ANAPC1: variants seen among roughly 807,000 people sequenced by gnomAD.
The protein encoded by ANAPC1 is anaphase promoting complex subunit 1, also known as anaphase-promoting complex subunit 1.
Under a neutral mutation model 208.0 loss-of-function variants are expected in ANAPC1, and 36 were observed. The ratio of observed to expected loss-of-function variants is 0.17; its 90% CI spans 0.13 to 0.23. ANAPC1 has a LOEUF of 0.23. ANAPC1 is among the 10% of genes least tolerant of loss of function. ANAPC1 has a pLI of 1.00. For missense variants in ANAPC1, 942 were observed against 2,011.6 expected (o/e 0.47, Z 10.17); for synonymous variants, 378 against 695.2 (o/e 0.54, Z 7.18).
At chr2:111,804,505 T>TC (rs1328553092) in intron 30 of ANAPC1, among the ~76,000 whole-genome samples, 1 of 99,718 alleles carries the variant, frequency 1.0e-5, no homozygotes, top group African/African-American at 3.6e-5. Flanking sequence ...GTGATTCTTT[T>TC]CTTTTTTTTT....
downstream of ANAPC1, chr2:111,766,779 T>A: frequency 2.7e-6 from 1 of 374,112 alleles, no homozygotes; most frequent in Non-Finnish European, 5.5e-6. Context: ...TGTGCACAGA[T>A]CATCAGGCTG....
intron 6 of ANAPC1, among the ~76,000 whole-genome samples, chr2:111,868,554 G>A (rs1439434410): frequency 6.6e-6 from 1 of 151,916 alleles, no homozygotes; most frequent in African/African-American, 2.4e-5. Context: ...TTTCTGAGAT[G>A]GAGTCTCACT....
intron 13 of ANAPC1, among the ~76,000 whole-genome samples, chr2:111,853,900 T>TA (rs895382838): frequency 1.3e-5 from 2 of 152,096 alleles, no homozygotes; most frequent in African/African-American, 4.8e-5. Flanking sequence ...GTACTTTTAG[T>TA]AGACACAGGG....
chr2:111,875,470 T>C (rs80233695), intron 3 of ANAPC1, among the ~76,000 whole-genome samples: 28,738 of 152,162 alleles, frequency 0.19, 2,994 homozygotes, highest in Middle Eastern at 0.3. Context: ...CCCTGATATC[T>C]AAGAGATCAC....
At chr2:111,883,484 T>C (rs942717967) in intron 1 of ANAPC1, among the ~76,000 whole-genome samples, 9 of 150,742 alleles carry the variant, frequency 6.0e-5, no homozygotes, top group African/African-American at 1.2e-4. Flanking sequence ...ATTAAATTTA[T>C]ATGCTATAAA....
At chr2:111,794,590 A>G (rs1678060113) in intron 35 of ANAPC1, among the ~76,000 whole-genome samples, 1 of 152,240 alleles carries the variant, frequency 6.6e-6, no homozygotes, top group African/African-American at 2.4e-5. Context: ...TGGAAAGGAT[A>G]AAAGACAAAT....
chr2:111,843,082 G>A (rs182003464), intron 17 of ANAPC1, among the ~76,000 whole-genome samples: 9 of 152,322 alleles, frequency 5.9e-5, no homozygotes, highest in African/African-American at 2.2e-4. Flanking sequence ...CCACAGATCT[G>A]TGATTTCTTT....
rs1682349836 is a variant in ANAPC1 at position 111,865,424 on chromosome 2, A to T, written c.686-473T>A. ...CTTTACTAGTTACACATGCAAAATA[A>T]GGTTTTTCCCAGTGAGTTCAGCTTT... is the stretch of plus-strand genomic sequence containing the variant. On this transcript the variant is annotated intron_variant, in intron 7 of 47. Transcript: ENST00000341068. Among the ~76,000 whole-genome samples the T allele has an allele frequency of 2.0e-5, 3 of 152,250 alleles. No individual in the cohort carries two copies. The South Asian group carries it at 6.2e-4, about 32-fold the overall frequency.
intron 34 of ANAPC1, among the ~76,000 whole-genome samples, chr2:111,798,055 C>T (rs564132800): frequency 9.0e-5 from 12 of 133,606 alleles, no homozygotes; most frequent in African/African-American, 3.6e-4. Context: ...CAGGAAAATA[C>T]CACACCCATT....
intron 13 of ANAPC1, among the ~76,000 whole-genome samples, chr2:111,851,749 G>A (rs1322081945): frequency 7.3e-5 from 11 of 151,300 alleles, no homozygotes; most frequent in Non-Finnish European, 1.2e-4. Context: ...GGCAGAACTT[G>A]CAGTGAGCCG....
chr2:111,859,195 A>G (rs1485797219), intron 10 of ANAPC1, among the ~76,000 whole-genome samples: 4 of 151,986 alleles, frequency 2.6e-5, no homozygotes, highest in Admixed American at 2.6e-4. Flanking sequence ...CTAAAGTGCT[A>G]CAGAAGGCCG....
intron 46 of ANAPC1, among the ~76,000 whole-genome samples, chr2:111,774,029 A>C (rs1194910855): frequency 2.4e-4 from 36 of 151,868 alleles, no homozygotes; most frequent in Admixed American, 2.6e-4. Context: ...AGGAGGCTAT[A>C]ACAGTGGTCC....
chr2:111,853,938 G>A (rs1297416298), intron 13 of ANAPC1, among the ~76,000 whole-genome samples: 4 of 151,996 alleles, frequency 2.6e-5, no homozygotes, highest in African/African-American at 9.7e-5. Context: ...GGATGGTCTC[G>A]ATCTCCTGAC....
chr2:111,798,291 G>T (rs1271303797), intron 34 of ANAPC1, among the ~76,000 whole-genome samples: 2 of 152,174 alleles, frequency 1.3e-5, no homozygotes, highest in Non-Finnish European at 2.9e-5. Flanking sequence ...AAAACAAAAT[G>T]TATATACCTG....
intron 16 of ANAPC1, among the ~76,000 whole-genome samples, chr2:111,846,918 C>T (rs1183286967): frequency 6.6e-6 from 1 of 152,010 alleles, no homozygotes; most frequent in Admixed American, 6.6e-5. Flanking sequence ...AACAGAAGAA[C>T]CTCAGGGAAC....
Position 111,772,321 on chromosome 2 carries a change from A to T in ANAPC1, c.5719+20T>A. ...GTAGGTAACAGAGTTACTGAAGATA[A>T]GACTTAGATATGCAATTACCTTCTA... On this transcript the variant is annotated intron_variant, in intron 47 of 47. Coordinates refer to ENST00000341068, the MANE Select transcript of ANAPC1 (RefSeq NM_022662.4). 1 of 1,613,836 alleles carries T rather than the reference A, an allele frequency of 6.2e-7. No homozygotes were observed.
At chr2:111,785,845 T>C (rs1677518153) in intron 39 of ANAPC1, among the ~76,000 whole-genome samples, 1 of 149,452 alleles carries the variant, frequency 6.7e-6, no homozygotes, top group South Asian at 2.2e-4. Flanking sequence ...TTCTCAGATT[T>C]TTTTTTTCTT....
intron 6 of ANAPC1, among the ~76,000 whole-genome samples, chr2:111,868,828 T>G (rs1486859442): frequency 3.9e-5 from 6 of 152,296 alleles, no homozygotes; most frequent in South Asian, 2.1e-4. Flanking sequence ...CCACCACACC[T>G]GGCCAGAAGC....
At chr2:111,882,414 A>G (rs557718840) in intron 1 of ANAPC1, among the ~76,000 whole-genome samples, 8 of 152,150 alleles carry the variant, frequency 5.3e-5, no homozygotes, top group South Asian at 2.1e-4. Flanking sequence ...CCAAAGCCAC[A>G]AAGTTATTTT....
Sources: allele counts gnomAD v4.1 joint callset (sites outside exome capture counted in the v4.1 genomes callset), GRCh38; gene constraint gnomAD v4.1.1; transcripts MANE v1.5; gene names NCBI Gene and HGNC (gene_info 2026-07-23, HGNC 2026-07-21).